Variants in BAZ1A observed in about 807,000 individuals in gnomAD.
BAZ1A encodes the protein bromodomain adjacent to zinc finger domain 1A.
BAZ1A carries 50 observed loss-of-function variants against 185.2 expected under a neutral mutation model. The observed-to-expected ratio is 0.27, with a 90% CI of 0.22 to 0.34. The LOEUF (loss-of-function observed/expected upper bound fraction) is 0.34, where lower values mean the gene tolerates loss of function less well. Ranked by LOEUF, BAZ1A falls within the 10% of genes least tolerant of loss-of-function variation. BAZ1A has a pLI of 1.00. For synonymous variants in BAZ1A, 571 were observed against 615.6 expected (o/e 0.93, Z 1.07); for missense variants, 1,356 against 1,839.9 (o/e 0.74, Z 4.81).
At chr14:34,782,582 C>T (rs774511442) in intron 16 of BAZ1A, among the ~76,000 whole-genome samples, 14 of 151,978 alleles carry the variant, frequency 9.2e-5, no homozygotes, top group South Asian at 4.2e-4. Flanking sequence ...TCTTCTACTG[C>T]GAGTTTGTGA....
chr14:34,769,450 G>C (rs1183517401), intron 21 of BAZ1A, among the ~76,000 whole-genome samples: 2 of 152,096 alleles, frequency 1.3e-5, no homozygotes, highest in Admixed American at 6.5e-5. Flanking sequence ...TGAAATTAAT[G>C]TTTGAAAACC....
At chr14:34,863,441 G>A (rs1445000757) in intron 2 of BAZ1A, among the ~76,000 whole-genome samples, 4 of 152,018 alleles carry the variant, frequency 2.6e-5, no homozygotes, top group Non-Finnish European at 5.9e-5. Flanking sequence ...GGGATTACAG[G>A]TGTGAGCCAC....
intron 2 of BAZ1A, among the ~76,000 whole-genome samples, chr14:34,865,402 T>C (rs1299579823): frequency 6.6e-6 from 1 of 152,220 alleles, no homozygotes; most frequent in Non-Finnish European, 1.5e-5. Flanking sequence ...TCTTCAATTT[T>C]TTCTCCTTCC....
intron 4 of BAZ1A, 138 bp downstream of exon 4, chr14:34,825,875 T>G: frequency 1.3e-6 from 1 of 768,870 alleles, no homozygotes; most frequent in Non-Finnish European, 1.9e-6. Flanking sequence ...GAGGTGGAAG[T>G]TGCAGTGAGC....
In BAZ1A at chr14:34,762,095, G is replaced by A. The variant is rs776972033; in HGVS notation, c.3905C>T (p.Thr1302Ile). The part of the protein sequence containing the change: ...GRYPSRSQQS[T>I]PKTTVSSKTG... Reference sequence around the variant, plus strand: ...TTTAGAAGAAACAGTTGTTTTGGGTGTGCTCTGCTGACTCCTTGAAGGGTA... The same window carrying A: ...TTTAGAAGAAACAGTTGTTTTGGGTATGCTCTGCTGACTCCTTGAAGGGTA... Residue 1302 changes from threonine (T) to isoleucine (I), a missense_variant, in exon 24 of 27, where the codon ACA becomes ATA. This residue lies in a region of BAZ1A where 309 missense variants were observed against 355.3 expected (regional missense o/e 0.87). Transcript: ENST00000360310. 13 of 1,614,096 alleles carry A rather than the reference G, an allele frequency of 8.1e-6. No individual in the cohort carries two copies. In the East Asian group the frequency reaches 2.4e-4, roughly 30 times the overall value.
At chr14:34,778,897 C>G (rs1326195600) in intron 17 of BAZ1A, among the ~76,000 whole-genome samples, 1 of 152,114 alleles carries the variant, frequency 6.6e-6, no homozygotes, top group Non-Finnish European at 1.5e-5. Context: ...CTCTGTTGCC[C>G]AGGCTGGAGT....
intron 4 of BAZ1A, among the ~76,000 whole-genome samples, chr14:34,819,836 A>G (rs966872705): frequency 2.0e-5 from 3 of 152,220 alleles, no homozygotes; most frequent in Non-Finnish European, 4.4e-5. Flanking sequence ...TGGTACTATA[A>G]GAAACTGCCA....
chr14:34,813,868 C>T (rs981507469), intron 4 of BAZ1A, among the ~76,000 whole-genome samples: 1 of 151,834 alleles, frequency 6.6e-6, no homozygotes, highest in African/African-American at 2.4e-5. Context: ...CATGGTGAAA[C>T]CTCGTCTCTA....
rs757470493 is a variant in BAZ1A at position 34,783,892 on chromosome 14, T to G, written c.1867A>C (p.Lys623Gln). Residue 623 changes from lysine (K) to glutamine (Q), a missense_variant, in exon 15 of 27, where the codon AAG (lysine) becomes CAG (glutamine). Lys to Gln is a moderately conservative substitution (Grantham distance 53). Around this residue, in one of 7 missense-constraint regions of BAZ1A, gnomAD observed 184 missense variants for 355.1 expected, o/e 0.52. Transcript: ENST00000360310. Reference protein sequence around the residue: ...KMKILHALCGKLLTLVSTRDF... With the variant: ...KMKILHALCGQLLTLVSTRDF... ...CTAGTTGAAACTAGGGTCAGTAGCT[T>G]TCCACAGAGAGCATGGAGTATCTTC... The G allele has an allele frequency of 1.9e-6, 3 of 1,610,468 alleles. No individual in the cohort carries two copies. The highest frequency in any genetic ancestry group is 1.7e-5 in the Admixed American group (1 of 58,964).
intron 12 of BAZ1A, 144 bp from the exon 13 acceptor site, chr14:34,786,365 C>T (rs1880438703): frequency 3.0e-6 from 2 of 662,452 alleles, no homozygotes; most frequent in South Asian, 2.0e-5. Flanking sequence ...AAGCAATATT[C>T]ACATTCTGCT....
intron 26 of BAZ1A, 30 bp from the exon 27 acceptor site, chr14:34,753,734 A>C: frequency 6.7e-7 from 1 of 1,482,632 alleles, no homozygotes; most frequent in Non-Finnish European, 9.1e-7. Context: ...AAAAGATTAG[A>C]ATGAAAGTAC....
At chr14:34,830,542 G>T (rs535903370) in intron 3 of BAZ1A, among the ~76,000 whole-genome samples, 4 of 152,012 alleles carry the variant, frequency 2.6e-5, no homozygotes, top group African/African-American at 9.6e-5. Context: ...AGTGTAAGGG[G>T]ACAGGAGGGC....
chr14:34,791,344 T>C (rs1339645421), intron 12 of BAZ1A, among the ~76,000 whole-genome samples: 2 of 152,212 alleles, frequency 1.3e-5, no homozygotes, highest in Non-Finnish European at 2.9e-5. Context: ...ATTTGATCAA[T>C]AACCCTATAA....
At chr14:34,832,465 A>C (rs1054652770) in intron 3 of BAZ1A, among the ~76,000 whole-genome samples, 5 of 139,734 alleles carry the variant, frequency 3.6e-5, no homozygotes, top group Admixed American at 7.3e-5. Context: ...AAAAAAAAAA[A>C]CCCCAAACCA....
intron 4 of BAZ1A, among the ~76,000 whole-genome samples, chr14:34,813,808 G>C (rs1478489538): frequency 1.3e-5 from 2 of 152,132 alleles, no homozygotes; most frequent in Non-Finnish European, 2.9e-5. Context: ...GGGAGGCTGA[G>C]GCAGGCAGAT....
At chr14:34,856,731 G>A (rs140311164) in intron 3 of BAZ1A, among the ~76,000 whole-genome samples, 9,495 of 151,520 alleles carry the variant, frequency 0.063, 396 homozygotes, top group Middle Eastern at 0.1. Context: ...GGTGGCGGGC[G>A]CCTGTAATCC....
chr14:34,803,078 T>C, intron 6 of BAZ1A, 90 bp from the exon 7 acceptor site: 4 of 1,345,584 alleles, frequency 3.0e-6, no homozygotes, highest in South Asian at 2.6e-5. Flanking sequence ...CCACTATTAA[T>C]GCTGTTAAAA....
At chr14:34,786,319 A>T in intron 12 of BAZ1A, 98 bp from the exon 13 acceptor site, 1 of 1,059,806 alleles carries the variant, frequency 9.4e-7, no homozygotes, top group South Asian at 1.6e-5. Context: ...CAAACGCCTT[A>T]ACATTCGGAA....
intron 17 of BAZ1A, among the ~76,000 whole-genome samples, chr14:34,779,670 A>G (rs1243408570): frequency 6.6e-6 from 1 of 152,230 alleles, no homozygotes; most frequent in Non-Finnish European, 1.5e-5. Flanking sequence ...AACAACTTTT[A>G]AAAGATGTAT....
Sources: allele counts gnomAD v4.1 joint callset (sites outside exome capture counted in the v4.1 genomes callset), GRCh38; gene constraint gnomAD v4.1.1; regional missense constraint gnomAD v4.1.1; transcripts MANE v1.5; gene names NCBI Gene and HGNC (gene_info 2026-07-23, HGNC 2026-07-21).